The following ELAPOR1 variants were observed in gnomAD, a reference collection of about 807,000 sequenced individuals.
ELAPOR1 encodes the protein endosome-lysosome associated apoptosis and autophagy regulator 1, also known as endosome/lysosome-associated apoptosis and autophagy regulator 1.
In ELAPOR1, 77 loss-of-function variants were observed where a neutral mutation model predicts 119.7. The ratio of observed to expected loss-of-function variants is 0.64; its 90% CI spans 0.54 to 0.78. The LOEUF is 0.78. ELAPOR1 is among the 30% of genes least tolerant of loss of function. ELAPOR1 has a pLI of 0.00. For synonymous variants in ELAPOR1, 481 were observed against 487.2 expected (o/e 0.99, Z 0.17); for missense variants, 1,115 against 1,270.4 (o/e 0.88, Z 1.86).
chr1:109,177,422 C>T lies in ELAPOR1; in HGVS notation c.952+3585C>T, dbSNP rs1245932425. 5.7e-5 allele frequency among the ~76,000 whole-genome samples: 7 copies of T among 123,754 alleles called. 1 individual carries two copies. Among genetic ancestry groups the T allele is most frequent in the African/African-American group, 1.1e-4 (3 of 28,022 alleles). The allele number at this position is 123,754 out of a possible 152,430, so 81.2% of individuals were successfully genotyped here. On this transcript the variant is annotated intron_variant, in intron 7 of 21. Transcript: ENST00000369939. ...GACGCTCCTCACATCCTGGACGGGG[C>T]GGCAGGGCAGAGGTGCTCCCCACAT...
At chr1:109,139,661 C>G (rs1052404929) in intron 1 of ELAPOR1, among the ~76,000 whole-genome samples, 2 of 152,140 alleles carry the variant, frequency 1.3e-5, no homozygotes, top group Admixed American at 6.5e-5. Context: ...AAAAAAGAAG[C>G]TAGGGAGCAT....
In ELAPOR1 at chr1:109,161,389, G is replaced by A. The variant is rs552926708; in HGVS notation, c.154-505G>A. ...CATCCCACTGCACTCCAGCCTGGGC[G>A]ACAGAGCGAGACTCCGTCTCAAAAA... is the stretch of plus-strand genomic sequence containing the variant. On this transcript the variant is annotated intron_variant, in intron 1 of 21. Coordinates refer to ENST00000369939, the MANE Select transcript of ELAPOR1 (RefSeq NM_020775.5). Among the ~76,000 whole-genome samples the A allele has an allele frequency of 8.0e-5, 10 of 125,706 alleles. 1 individual carries two copies. Among genetic ancestry groups the A allele is most frequent in the African/African-American group, 1.6e-4 (5 of 31,836 alleles). 82.5% of individuals were successfully genotyped at this position (125,706 alleles called of 152,430 possible). A position where few individuals can be genotyped will look rare whatever the true frequency, so the allele number is the denominator to read the frequency against.
rs1182650291 is a variant in ELAPOR1, at chr1:109,172,044, G to T, written c.615+31G>T. On this transcript the variant is annotated intron_variant, in intron 4 of 21. Coordinates refer to ENST00000369939, the MANE Select transcript of ELAPOR1 (RefSeq NM_020775.5). ...CCCCTGGCCAAGGTGGAGGGTGGGAGCTAAAAAGCCTCTCTGGGGTTCAGA... is the reference window on the plus strand; with the variant it reads ...CCCCTGGCCAAGGTGGAGGGTGGGATCTAAAAAGCCTCTCTGGGGTTCAGA... 3.7e-6 allele frequency: 6 copies of T among 1,613,430 alleles called. 1 individual carries two copies. In the South Asian group the frequency reaches 6.6e-5, roughly 18 times the overall value.
chr1:109,128,605 A>G (rs1338997774), intron 1 of ELAPOR1, among the ~76,000 whole-genome samples: 2 of 152,218 alleles, frequency 1.3e-5, no homozygotes, highest in Non-Finnish European at 2.9e-5. Context: ...GCTTATCTTC[A>G]GGTAGGCCTG....
intron 3 of ELAPOR1, among the ~76,000 whole-genome samples, chr1:109,166,879 C>G (rs1255374778): frequency 6.6e-6 from 1 of 152,210 alleles, no homozygotes; most frequent in African/African-American, 2.4e-5. Context: ...ATAAGAAGGA[C>G]TCAAGAATTG....
rs111761046 is a variant in ELAPOR1 at position 109,177,509 on chromosome 1, A to C, written c.952+3672A>C. On this transcript the variant is annotated intron_variant, in intron 7 of 21. Coordinates refer to ENST00000369939, the MANE Select transcript of ELAPOR1 (RefSeq NM_020775.5). ...CTTCCCAGATGGGATGGCGGCCGGG[A>C]AGAGGCGCTCCTCACTTCCCAGACG... Among the ~76,000 whole-genome samples, 198 of 65,298 alleles carry C rather than the reference A, an allele frequency of 3.0e-3. 1 individual carries two copies. Among genetic ancestry groups the C allele is most frequent in the Middle Eastern group, 0.012 (1 of 86 alleles). 42.8% of individuals were successfully genotyped at this position (65,298 alleles called of 152,430 possible).
At chr1:109,152,354 T>C (rs1429841412) in intron 1 of ELAPOR1, among the ~76,000 whole-genome samples, 1 of 152,152 alleles carries the variant, frequency 6.6e-6, no homozygotes, top group African/African-American at 2.4e-5. Context: ...AGAACCTGTT[T>C]CTTGACACAG....
At position 109,200,841 on chromosome 1, in the gene ELAPOR1, G is replaced by C. The variant is rs747211369; in HGVS notation, c.2914G>C (p.Asp972His). 8 of 1,614,172 alleles carry C rather than the reference G, an allele frequency of 5.0e-6. No homozygotes were observed. Among genetic ancestry groups the C allele is most frequent in the Non-Finnish European group, 6.8e-6 (8 of 1,180,032 alleles). ...CATGGAAGGCGAGGATGTAGAGGAC[G>C]ACCTCATCTTTACCAGCAAGAAGTC... Reference protein sequence around the residue: ...AIMEGEDVEDDLIFTSKKSLF... With the variant: ...AIMEGEDVEDHLIFTSKKSLF... The change falls in exon 21 of 22, where the codon GAC becomes CAC. Residue 972 changes from aspartate to histidine, a missense_variant. Transcript: ENST00000369939.
chr1:109,167,312 G>T (rs1001386750), intron 3 of ELAPOR1, among the ~76,000 whole-genome samples: 5 of 152,086 alleles, frequency 3.3e-5, no homozygotes, highest in Non-Finnish European at 7.4e-5. Context: ...CCACCGCACG[G>T]ACTATTTCAG....
intron 21 of ELAPOR1, chr1:109,201,526 C>T: frequency 2.8e-6 from 1 of 360,704 alleles, no homozygotes; most frequent in South Asian, 2.1e-5. Flanking sequence ...TGCAGCACAA[C>T]TCTGCCAGTG....
intron 8 of ELAPOR1, chr1:109,187,952 C>G: frequency 7.7e-7 from 1 of 1,292,010 alleles, no homozygotes. Context: ...CCTTGTCACC[C>G]AGGCAACATT....
rs756438626 is a variant in ELAPOR1 at position 109,149,481 on chromosome 1, A to G, written c.154-12413A>G. On this transcript the variant is annotated intron_variant, in intron 1 of 21. Transcript: ENST00000369939. Reference sequence around the variant, plus strand: ...GGAGATTGAATGACTGTCCCCGGTCATGCAGCATGGGGTGGCAGGATAAAA... The same window carrying G: ...GGAGATTGAATGACTGTCCCCGGTCGTGCAGCATGGGGTGGCAGGATAAAA... Among the ~76,000 whole-genome samples the G allele has an allele frequency of 3.3e-5, 5 of 152,148 alleles. No individual in the cohort carries two copies. The South Asian group carries it at 6.2e-4, about 19-fold the overall frequency.
At chr1:109,188,982 C>A in intron 9 of ELAPOR1, 84 bp from the exon 10 acceptor site, 1 of 1,547,844 alleles carries the variant, frequency 6.5e-7, no homozygotes, top group Non-Finnish European at 8.8e-7. Flanking sequence ...GCTACTGTTG[C>A]AACTTGTCTG....
At chr1:109,124,693 G>A (rs144317910) in intron 1 of ELAPOR1, among the ~76,000 whole-genome samples, 6 of 152,154 alleles carry the variant, frequency 3.9e-5, no homozygotes, top group African/African-American at 4.8e-5. Context: ...CTTGCACACC[G>A]TCACCTTTTC....
At chr1:109,134,946 CA>C (rs1649374598) in intron 1 of ELAPOR1, among the ~76,000 whole-genome samples, 1 of 152,154 alleles carries the variant, frequency 6.6e-6, no homozygotes, top group Admixed American at 6.5e-5. Flanking sequence ...TAAAAAAAAT[CA>C]TGGGATCATG....
chr1:109,121,396 C>G (rs570615771), intron 1 of ELAPOR1, among the ~76,000 whole-genome samples: 1 of 152,344 alleles, frequency 6.6e-6, no homozygotes, highest in South Asian at 2.1e-4. Context: ...ATCCACCCCC[C>G]TCAGCCTCCC....
intron 7 of ELAPOR1, among the ~76,000 whole-genome samples, chr1:109,183,956 G>A (rs997762695): frequency 2.6e-5 from 4 of 151,958 alleles, no homozygotes; most frequent in East Asian, 3.9e-4. Flanking sequence ...GGGCTGGTGC[G>A]GGAGGCGGGA....
At chr1:109,129,712 C>T (rs1292347304) in intron 1 of ELAPOR1, among the ~76,000 whole-genome samples, 1 of 152,176 alleles carries the variant, frequency 6.6e-6, no homozygotes, top group Non-Finnish European at 1.5e-5. Context: ...GAGCTTCCCT[C>T]ACTGTAAGAC....
intron 7 of ELAPOR1, among the ~76,000 whole-genome samples, chr1:109,181,033 C>T (rs1201289691): frequency 6.6e-6 from 1 of 152,162 alleles, no homozygotes; most frequent in African/African-American, 2.4e-5. Flanking sequence ...ATAGTACTCT[C>T]CAATTGACAA....
Sources: allele counts gnomAD v4.1 joint callset (sites outside exome capture counted in the v4.1 genomes callset), GRCh38; gene constraint gnomAD v4.1.1; transcripts MANE v1.5; gene names NCBI Gene and HGNC (gene_info 2026-07-23, HGNC 2026-07-21).